The following BAZ2B variants were observed in gnomAD, a reference collection of about 807,000 sequenced individuals.
The protein encoded by BAZ2B is bromodomain adjacent to zinc finger domain protein 2B.
Under a neutral mutation model 246.0 loss-of-function variants are expected in BAZ2B, and 91 were observed. That is an observed-to-expected ratio of 0.37 (90% CI 0.31 to 0.44). BAZ2B has a LOEUF of 0.44. Among genes scored for constraint, BAZ2B ranks in the 20% least tolerant of loss-of-function variants. The pLI is 1.00. For synonymous variants in BAZ2B, 855 were observed against 860.0 expected, an observed-to-expected ratio of 0.99 and a Z score of 0.10; for missense variants, 2,332 against 2,533.7, an observed-to-expected ratio of 0.92 and a Z score of 1.71.
the BAZ2B span, among the ~76,000 whole-genome samples, chr2:159,662,309 G>T: frequency 6.6e-6 from 1 of 152,156 alleles, no homozygotes; most frequent in South Asian, 2.1e-4. Flanking sequence ...TCATGCACAA[G>T]TATTTGTTTG....
At chr2:159,323,274 C>G (rs1373338135) in intron 36 of BAZ2B, among the ~76,000 whole-genome samples, 1 of 152,052 alleles carries the variant, frequency 6.6e-6, no homozygotes, top group Non-Finnish European at 1.5e-5. Context: ...CGTGAGCCAC[C>G]TTGCCTGGCC....
At chr2:159,560,625 A>G (rs1336887132) in intron 1 of BAZ2B, among the ~76,000 whole-genome samples, 5 of 150,440 alleles carry the variant, frequency 3.3e-5, no homozygotes, top group Admixed American at 3.3e-4. Context: ...GCTAGAGTGC[A>G]GTGGTGCGAT....
At chr2:159,331,933 G>A (rs76056658) in intron 34 of BAZ2B, among the ~76,000 whole-genome samples, 4 of 152,256 alleles carry the variant, frequency 2.6e-5, no homozygotes, top group Non-Finnish European at 5.9e-5. Flanking sequence ...AAGTCCTGGT[G>A]AGATCCAAGG....
At chr2:159,530,777 C>T (rs563534250) in intron 2 of BAZ2B, among the ~76,000 whole-genome samples, 88 of 152,206 alleles carry the variant, frequency 5.8e-4, no homozygotes, top group Admixed American at 1.4e-3. Flanking sequence ...TGAGACCAGC[C>T]TGGCCAACAT....
At chr2:159,615,230 T>C (rs1034651168) in intron 1 of BAZ2B, 2 of 146,874 alleles carry the variant, frequency 1.4e-5, no homozygotes, top group Admixed American at 1.4e-4. Flanking sequence ...CAAATCCCAA[T>C]TCTGGGGTTC....
intron 33 of BAZ2B, 147 bp downstream of exon 33, chr2:159,336,795 T>C (rs1054761082): frequency 3.0e-6 from 2 of 673,506 alleles, no homozygotes; most frequent in African/African-American, 1.9e-5. Context: ...GAGGAAAGTA[T>C]CAAAAATCTT....
chr2:159,468,077 T>C (rs1344267320), intron 3 of BAZ2B, among the ~76,000 whole-genome samples: 1 of 152,078 alleles, frequency 6.6e-6, no homozygotes, highest in Non-Finnish European at 1.5e-5. Flanking sequence ...AAGTATACTG[T>C]GCATGAATGA....
the BAZ2B span, among the ~76,000 whole-genome samples, chr2:159,698,032 TAA>T: frequency 5.3e-5 from 8 of 152,162 alleles, no homozygotes; most frequent in African/African-American, 7.2e-5. Flanking sequence ...ATACCTATTA[TAA>T]GAGAGATTTT....
chr2:159,604,273 T>C (rs982852383), intron 1 of BAZ2B, among the ~76,000 whole-genome samples: 1 of 152,106 alleles, frequency 6.6e-6, no homozygotes, highest in Admixed American at 6.6e-5. Flanking sequence ...ATGTATTTTA[T>C]ATTTTATTTT....
intron 13 of BAZ2B, among the ~76,000 whole-genome samples, chr2:159,422,059 A>G (rs945140522): frequency 6.6e-6 from 1 of 152,170 alleles, no homozygotes; most frequent in African/African-American, 2.4e-5. Context: ...TCTCTACAAC[A>G]AAAATTACAA....
At chr2:159,670,079 TC>T in the BAZ2B span, among the ~76,000 whole-genome samples, 5 of 152,074 alleles carry the variant, frequency 3.3e-5, no homozygotes. Flanking sequence ...CAAGTGATTC[TC>T]CTGCCTCAGC....
At chr2:159,440,943 C>T (rs531650915) in intron 6 of BAZ2B, among the ~76,000 whole-genome samples, 18 of 151,910 alleles carry the variant, frequency 1.2e-4, no homozygotes, top group South Asian at 2.1e-4. Flanking sequence ...CAGACAGGAA[C>T]GAGAAACTGA....
chr2:159,449,591 A>T (rs1213589447), intron 4 of BAZ2B, among the ~76,000 whole-genome samples: 1 of 152,212 alleles, frequency 6.6e-6, no homozygotes, highest in Non-Finnish European at 1.5e-5. Flanking sequence ...TGCCAGTCTC[A>T]AAGGTCTAAA....
At chr2:159,552,398 C>T (rs769613935) in intron 2 of BAZ2B, among the ~76,000 whole-genome samples, 1 of 152,118 alleles carries the variant, frequency 6.6e-6, no homozygotes, top group Non-Finnish European at 1.5e-5. Flanking sequence ...GTAGATTTCA[C>T]GCCCATTGGT....
chr2:159,548,836 A>G (rs1481411563), intron 2 of BAZ2B, among the ~76,000 whole-genome samples: 2 of 152,162 alleles, frequency 1.3e-5, no homozygotes, highest in African/African-American at 4.8e-5. Flanking sequence ...ACCCCACTAA[A>G]ATTTAATGGA....
intron 13 of BAZ2B, among the ~76,000 whole-genome samples, chr2:159,415,920 T>G (rs1179706374): frequency 6.6e-6 from 1 of 152,102 alleles, no homozygotes; most frequent in African/African-American, 2.4e-5. Flanking sequence ...CTATCTCATA[T>G]GGTGGGTTTT....
At chr2:159,618,867 T>C (rs554251770), upstream of BAZ2B, among the ~76,000 whole-genome samples, 42 of 152,246 alleles carry the variant, frequency 2.8e-4, no homozygotes, top group African/African-American at 9.4e-4. Context: ...TAATTAAGAA[T>C]ACATCCTTTG....
At chr2:159,401,818 A>G (rs2149758664) in intron 16 of BAZ2B, among the ~76,000 whole-genome samples, 1 of 152,312 alleles carries the variant, frequency 6.6e-6, no homozygotes, top group Non-Finnish European at 1.5e-5. Context: ...AAAAGTCCCA[A>G]ATTGGCACTG....
chr2:159,523,334 C>T (rs562742524), intron 2 of BAZ2B, among the ~76,000 whole-genome samples: 3 of 152,172 alleles, frequency 2.0e-5, no homozygotes, highest in Admixed American at 2.0e-4. Flanking sequence ...CCCAGGAGTT[C>T]GAAGTTACAG....
Sources: allele counts gnomAD v4.1 joint callset (sites outside exome capture counted in the v4.1 genomes callset), GRCh38; gene constraint gnomAD v4.1.1; transcripts MANE v1.5; gene names NCBI Gene and HGNC (gene_info 2026-07-23, HGNC 2026-07-21).